The following C10orf90 variants were observed in gnomAD, a reference collection of about 807,000 sequenced individuals.
C10orf90 encodes (E2-independent) E3 ubiquitin-conjugating enzyme FATS.
A neutral mutation model predicts 62.5 loss-of-function variants in C10orf90; 56 were observed. The ratio of observed to expected loss-of-function variants is 0.90; its 90% CI spans 0.72 to 1.12. The LOEUF is 1.12. Ranked by LOEUF, C10orf90 falls within the 50% of genes most tolerant of loss-of-function variation. The probability of loss-of-function intolerance (pLI) is 0.00; values close to 1 mark genes in which losing one functional copy is unlikely to be tolerated. For synonymous variants in C10orf90, 386 were observed against 340.4 expected, an observed-to-expected ratio of 1.13 and a Z score of -1.47; for missense variants, 970 against 880.4, an observed-to-expected ratio of 1.10 and a Z score of -1.29.
At chr10:126,613,236 GT>G (rs1216611656) in intron 2 of C10orf90, among the ~76,000 whole-genome samples, 2 of 151,914 alleles carry the variant, frequency 1.3e-5, no homozygotes, top group East Asian at 3.9e-4. Flanking sequence ...TTTTGTTTTT[GT>G]TTTTTTGAGA....
At chr10:126,513,397 C>G (rs1863250611) in intron 3 of C10orf90, among the ~76,000 whole-genome samples, 1 of 152,194 alleles carries the variant, frequency 6.6e-6, no homozygotes, top group Non-Finnish European at 1.5e-5. Flanking sequence ...ACGATATTAA[C>G]CACTGTGCAC....
chr10:126,565,341 TAA>T (rs35073646), intron 2 of C10orf90, among the ~76,000 whole-genome samples: 27,259 of 66,644 alleles, frequency 0.41, 5,487 homozygotes, highest in African/African-American at 0.48. Flanking sequence ...ATATTATATA[TAA>T]TATATAATAT....
rs9665014 is a variant in C10orf90, at chr10:126,608,242, A to G, written c.313+38323T>C. On this transcript the variant is annotated intron_variant, in intron 2 of 9. Coordinates refer to ENST00000488181, the MANE Select transcript of C10orf90 (RefSeq NM_001350921.2). ...TCCGATCTCAGCCTCCCAAATAGCTAGGACTACAGGCACACACTACCATGC... is the reference window on the plus strand; with the variant it reads ...TCCGATCTCAGCCTCCCAAATAGCTGGGACTACAGGCACACACTACCATGC... Among the ~76,000 whole-genome samples the G allele has an allele frequency of 3.3e-3, 503 of 152,184 alleles. 3 individuals are homozygous for G. Among genetic ancestry groups the G allele is most frequent in the African/African-American group, 0.012 (491 of 41,530 alleles).
chr10:126,431,314 C>T (rs146567038), intron 7 of C10orf90, among the ~76,000 whole-genome samples: 4 of 152,276 alleles, frequency 2.6e-5, no homozygotes, highest in African/African-American at 9.6e-5. Flanking sequence ...AATCCCTACA[C>T]TAGGTATGAG....
chr10:126,629,306 C>A (rs1446926345), intron 2 of C10orf90, among the ~76,000 whole-genome samples: 1 of 152,164 alleles, frequency 6.6e-6, no homozygotes, highest in Non-Finnish European at 1.5e-5. Flanking sequence ...CCAGCTTATC[C>A]TAGCTAATAG....
intron 2 of C10orf90, among the ~76,000 whole-genome samples, chr10:126,566,226 T>A (rs1441173836): frequency 1.3e-5 from 2 of 152,192 alleles, no homozygotes; most frequent in Non-Finnish European, 2.9e-5. Flanking sequence ...GGTTATAGAA[T>A]GGATCAAATG....
chr10:126,572,860 G>A (rs553007486), intron 2 of C10orf90, among the ~76,000 whole-genome samples: 38 of 152,132 alleles, frequency 2.5e-4, no homozygotes, highest in African/African-American at 8.4e-4. Context: ...GGCAATGTCA[G>A]GAAGTTACCC....
intron 2 of C10orf90, among the ~76,000 whole-genome samples, chr10:126,565,466 G>A: frequency 9.5e-6 from 1 of 104,918 alleles, no homozygotes. Flanking sequence ...ACACAAACTT[G>A]TGCATCAGTC....
At position 126,434,966 on chromosome 10, in the gene C10orf90, C is replaced by T. The variant is rs139979129; in HGVS notation, c.2189-5116G>A. Among the ~76,000 whole-genome samples, 31 of 152,298 alleles carry T rather than the reference C, an allele frequency of 2.0e-4. No individual in the cohort carries two copies. In the East Asian group the frequency reaches 5.4e-3, roughly 27 times the overall value. On this transcript the variant is annotated intron_variant, in intron 7 of 9. Coordinates refer to ENST00000488181, the MANE Select transcript of C10orf90 (RefSeq NM_001350921.2). ...ACACCATATGAAGGTGAGTTAACGA[C>T]TCATAGGTGGTTTGGCTCTGAAGTG...
intron 1 of C10orf90, among the ~76,000 whole-genome samples, chr10:126,661,677 T>C (rs1051460809): frequency 6.6e-6 from 1 of 152,104 alleles, no homozygotes; most frequent in African/African-American, 2.4e-5. Flanking sequence ...TCTCTTTTTT[T>C]TTTTTTCTCT....
At chr10:126,576,723 T>C (rs1591114208) in intron 2 of C10orf90, among the ~76,000 whole-genome samples, 1 of 45,676 alleles carries the variant, frequency 2.2e-5, no homozygotes, top group South Asian at 5.7e-4. Context: ...ATACAAGATA[T>C]ACATATATAT....
chr10:126,648,710 T>A (rs1846219745), intron 1 of C10orf90, among the ~76,000 whole-genome samples: 1 of 152,198 alleles, frequency 6.6e-6, no homozygotes, highest in African/African-American at 2.4e-5. Context: ...TTCACACCAA[T>A]CAGGTAGATC....
intron 2 of C10orf90, among the ~76,000 whole-genome samples, chr10:126,530,661 T>C (rs547261452): frequency 3.6e-4 from 54 of 151,922 alleles, no homozygotes; most frequent in Non-Finnish European, 6.8e-4. Context: ...TAGAATAAGA[T>C]AGAATGAGAA....
At chr10:126,660,142 C>T (rs967140557) in intron 1 of C10orf90, among the ~76,000 whole-genome samples, 41 of 152,240 alleles carry the variant, frequency 2.7e-4, no homozygotes, top group Admixed American at 3.9e-4. Flanking sequence ...TAAGATTCCC[C>T]TTGGTGTACA....
At chr10:126,654,802 TG>T (rs1846360213) in intron 1 of C10orf90, among the ~76,000 whole-genome samples, 1 of 152,200 alleles carries the variant, frequency 6.6e-6, no homozygotes, top group South Asian at 2.1e-4. Context: ...AAGCAAGAGA[TG>T]TGAACACTTC....
rs1054456362 is a variant in C10orf90, at chr10:126,464,979, T to C, written c.1542A>G (p.Thr514=). The C allele has an allele frequency of 6.9e-6, 11 of 1,593,468 alleles. No homozygotes were observed. In the Middle Eastern group the frequency reaches 5.0e-4, roughly 72 times the overall value. ...TCTTGCTGCTTCCAGAAAATACTTTTGTGTGTACTAAAAATAAAACGAGAG... is the reference window on the plus strand; with the variant it reads ...TCTTGCTGCTTCCAGAAAATACTTTCGTGTGTACTAAAAATAAAACGAGAG... ...IPGWSYRAVH[T]KVFSGSSKRQ... is the part of the protein sequence containing the mutation. The change falls in exon 5 of 10, where the codon ACA becomes ACG. Residue 514 remains threonine, a synonymous_variant. Transcript: ENST00000488181.
chr10:126,581,020 C>A (rs1309181303), intron 2 of C10orf90, among the ~76,000 whole-genome samples: 1 of 152,158 alleles, frequency 6.6e-6, no homozygotes, highest in Non-Finnish European at 1.5e-5. Flanking sequence ...GGCAAAACTA[C>A]AAGTGTCCAA....
intron 2 of C10orf90, chr10:126,520,566 C>T (rs1009840440): frequency 5.9e-5 from 9 of 152,284 alleles, no homozygotes; most frequent in East Asian, 3.9e-4. Context: ...AAGGAAGTCC[C>T]GATCCGCTGC....
chr10:126,616,327 G>C (rs998181363), intron 2 of C10orf90, among the ~76,000 whole-genome samples: 2 of 152,208 alleles, frequency 1.3e-5, no homozygotes, highest in Non-Finnish European at 1.5e-5. Context: ...ATGTCTAGCT[G>C]TCCTAGGAGA....
Sources: gnomAD v4.1 joint callset for allele counts (sites outside exome capture counted in the v4.1 genomes callset) on GRCh38, gnomAD v4.1.1 for gene constraint, MANE v1.5 for transcripts, NCBI Gene and HGNC (gene_info 2026-07-23, HGNC 2026-07-21) for gene names.